CHD6: variants seen among roughly 807,000 people sequenced by gnomAD.
CHD6 encodes ATP-dependent chromatin remodeler CHD6.
Under a neutral mutation model 276.9 loss-of-function variants are expected in CHD6, and 50 were observed. The ratio of observed to expected loss-of-function variants is 0.18; its 90% CI spans 0.14 to 0.23. The LOEUF (loss-of-function observed/expected upper bound fraction) is 0.23. Among genes scored for constraint, CHD6 ranks in the 10% least tolerant of loss-of-function variants. CHD6 has a pLI of 1.00. For synonymous variants in CHD6, 1,173 were observed against 1,229.3 expected (o/e 0.95, Z 0.96); for missense variants, 2,564 against 3,365.8 (o/e 0.76, Z 5.89).
intron 1 of CHD6, among the ~76,000 whole-genome samples, chr20:41,594,950 T>C (rs933702306): frequency 6.6e-6 from 1 of 152,206 alleles, no homozygotes. Flanking sequence ...CAGAAGTAAA[T>C]GTGTCTTGCT....
At chr20:41,589,933 C>T (rs1481460503) in intron 1 of CHD6, among the ~76,000 whole-genome samples, 2 of 152,152 alleles carry the variant, frequency 1.3e-5, no homozygotes, top group Non-Finnish European at 2.9e-5. Context: ...AAGAACAAAG[C>T]TGGAGGCATC....
rs200549678 is a variant in CHD6 at position 41,504,403 on chromosome 20, C to CTTT, written c.853-5049_853-5047dup. 1.6e-3 allele frequency among the ~76,000 whole-genome samples: 172 copies of CTTT among 109,948 alleles called. 3 individuals carry two copies. The highest frequency in any genetic ancestry group is 7.1e-3 in the South Asian group (22 of 3,090). The allele number at this position is 109,948 out of a possible 152,430, so 72.1% of individuals were successfully genotyped here. A position where few individuals can be genotyped will look rare whatever the true frequency, so the allele number is the denominator to read the frequency against. On this transcript the variant is annotated intron_variant, in intron 5 of 36. Coordinates refer to ENST00000373233, the MANE Select transcript of CHD6 (RefSeq NM_032221.5). ...TCTTGTCCATCTTTTCCTCTATTTT[C>CTTT]TTTTTTTTTTTTTTTTTTTTTTTAG...
intron 30 of CHD6, among the ~76,000 whole-genome samples, chr20:41,422,952 G>C (rs1402508950): frequency 6.6e-6 from 1 of 152,188 alleles, no homozygotes; most frequent in African/African-American, 2.4e-5. Context: ...CCATGATCCA[G>C]AGGAACTCCA....
intron 2 of CHD6, among the ~76,000 whole-genome samples, chr20:41,550,805 T>C (rs2045133996): frequency 6.6e-6 from 1 of 152,128 alleles, no homozygotes; most frequent in Non-Finnish European, 1.5e-5. Flanking sequence ...TAAATCACTC[T>C]CCATCCCACA....
chr20:41,524,451 C>G (rs1180644778), intron 3 of CHD6, among the ~76,000 whole-genome samples: 1 of 152,014 alleles, frequency 6.6e-6, no homozygotes, highest in African/African-American at 2.4e-5. Flanking sequence ...AAAAAGGAAA[C>G]AAAAAGATTA....
chr20:41,412,349 A>T, intron 35 of CHD6, 86 bp from the exon 36 acceptor site: 2 of 1,487,738 alleles, frequency 1.3e-6, no homozygotes, highest in African/African-American at 2.8e-5. Context: ...TGGTTTTGCT[A>T]TTGTTCTCGT....
intron 36 of CHD6, among the ~76,000 whole-genome samples, chr20:41,411,441 C>T (rs982547257): frequency 2.0e-5 from 3 of 151,736 alleles, no homozygotes; most frequent in African/African-American, 7.3e-5. Context: ...GGCAAAAGTC[C>T]CCATGAGCAT....
rs370141482 is a variant in CHD6 at position 41,416,331 on chromosome 20, C to T, written c.6486+257G>A. Among the ~76,000 whole-genome samples the T allele has an allele frequency of 7.4e-4, 113 of 152,230 alleles. 1 individual carries two copies. The highest frequency in any genetic ancestry group is 2.6e-3 in the African/African-American group (109 of 41,544). Reference sequence around the variant, plus strand: ...TCTCTTTATCAGTTTCCTGCTTGGCCCCCCTAGCCAAGCTGTATTCTACTC... The same window carrying T: ...TCTCTTTATCAGTTTCCTGCTTGGCTCCCCTAGCCAAGCTGTATTCTACTC... On this transcript the variant is annotated intron_variant, in intron 33 of 36. Coordinates refer to ENST00000373233, the MANE Select transcript of CHD6 (RefSeq NM_032221.5).
chr20:41,532,474 T>C (rs545600405), intron 3 of CHD6, among the ~76,000 whole-genome samples: 11 of 152,334 alleles, frequency 7.2e-5, no homozygotes, highest in Admixed American at 7.2e-4. Context: ...TCTACACGAC[T>C]GCTGTTCCAA....
intron 17 of CHD6, among the ~76,000 whole-genome samples, chr20:41,471,622 G>A (rs983069709): frequency 5.3e-5 from 8 of 151,592 alleles, no homozygotes; most frequent in Non-Finnish European, 1.0e-4. Context: ...TGCAAGCTCC[G>A]CCTCGTGGGT....
At chr20:41,618,177 C>T (rs1279646534) in intron 1 of CHD6, among the ~76,000 whole-genome samples, 163 bp downstream of exon 1, 1 of 150,912 alleles carries the variant, frequency 6.6e-6, no homozygotes, top group Non-Finnish European at 1.5e-5. Context: ...CGGCCCCGCT[C>T]GGACCCCAGC....
intron 1 of CHD6, among the ~76,000 whole-genome samples, chr20:41,574,288 C>T (rs953004643): frequency 7.2e-5 from 11 of 151,962 alleles, no homozygotes; most frequent in Non-Finnish European, 1.5e-4. Context: ...TTTTTTCATT[C>T]TCAAAGATGA....
rs982509246 is a variant in CHD6 at position 41,404,408 on chromosome 20, A to G, written c.*185T>C. 1.5e-6 allele frequency: 2 copies of G among 1,293,480 alleles called. No homozygotes were observed. The highest frequency in any genetic ancestry group is 2.0e-6 in the Non-Finnish European group (2 of 1,022,642). 80.1% of individuals were successfully genotyped at this position (1,293,480 alleles called of 1,614,324 possible). ...CTCCTAGACTAGGTAGACAACACTT[A>G]TCTAATGAAGTGGTGAGACCCTGCA... On this transcript the variant is annotated 3_prime_UTR_variant, in exon 37 of 37. Coordinates refer to ENST00000373233, the MANE Select transcript of CHD6 (RefSeq NM_032221.5).
chr20:41,427,262 A>G (rs1025143668), intron 27 of CHD6, among the ~76,000 whole-genome samples: 1 of 151,796 alleles, frequency 6.6e-6, no homozygotes, highest in Non-Finnish European at 1.5e-5. Context: ...TGAAAATTCA[A>G]AATGCTCTTT....
intron 1 of CHD6, among the ~76,000 whole-genome samples, chr20:41,560,109 T>C (rs2045285692): frequency 6.6e-6 from 1 of 152,152 alleles, no homozygotes; most frequent in Admixed American, 6.5e-5. Flanking sequence ...TCTTAAGTGC[T>C]TCTCTATTTT....
At chr20:41,430,686 T>C (rs2047508936) in intron 27 of CHD6, among the ~76,000 whole-genome samples, 1 of 152,072 alleles carries the variant, frequency 6.6e-6, no homozygotes, top group African/African-American at 2.4e-5. Context: ...GAGGTGAGGA[T>C]CAACTTAAAT....
intron 1 of CHD6, among the ~76,000 whole-genome samples, chr20:41,614,405 A>C (rs2045916351): frequency 6.6e-6 from 1 of 152,186 alleles, no homozygotes; most frequent in South Asian, 2.1e-4. Flanking sequence ...CTTCATTATG[A>C]CTATAAAGAA....
intron 17 of CHD6, among the ~76,000 whole-genome samples, chr20:41,459,138 A>G (rs2048466146): frequency 6.6e-6 from 1 of 152,096 alleles, no homozygotes; most frequent in Admixed American, 6.6e-5. Flanking sequence ...TAAGGGACTC[A>G]CCCAGTGCCA....
rs1317212526 is a variant in CHD6, at chr20:41,405,442, A to C, written c.7299T>G (p.Ile2433Met). The stretch of plus-strand genomic sequence containing the variant: ...TCCTGCGGGGGCCCGTATCTCGAAG[A>C]ATAGGCTCAGCCAGAGTGTGATTGA... ...NKFNHTLAEP[I>M]LRDTGPRRRG... Residue 2433 changes from isoleucine (I) to methionine (M), a missense_variant, in exon 37 of 37, where the codon ATT (isoleucine) becomes ATG (methionine). Physicochemically the swap from Ile to Met is conservative, Grantham distance 10. Around this residue, in one of 7 missense-constraint regions of CHD6, gnomAD observed 1,024 missense variants for 1,047.9 expected, o/e 0.98. Transcript: ENST00000373233. The C allele has an allele frequency of 1.2e-6, 2 of 1,602,050 alleles. No homozygotes were observed. Among genetic ancestry groups the C allele is most frequent in the Non-Finnish European group, 1.7e-6 (2 of 1,173,128 alleles).
Sources: gnomAD v4.1 joint callset for allele counts (sites outside exome capture counted in the v4.1 genomes callset) on GRCh38, gnomAD v4.1.1 for gene constraint, gnomAD v4.1.1 regional missense constraint, MANE v1.5 for transcripts, NCBI Gene and HGNC (gene_info 2026-07-23, HGNC 2026-07-21) for gene names.